The following DHX57 variants were observed in gnomAD, a reference collection of about 807,000 sequenced individuals.
DHX57 encodes the protein putative ATP-dependent RNA helicase DHX57.
DHX57 carries 105 observed loss-of-function variants against 156.2 expected under a neutral mutation model. That is an observed-to-expected ratio of 0.67 (90% CI 0.57 to 0.79). The LOEUF is 0.79. Among genes scored for constraint, DHX57 ranks in the 30% least tolerant of loss-of-function variants. The probability of loss-of-function intolerance (pLI) is 0.00; values close to 1 mark genes in which losing one functional copy is unlikely to be tolerated. For synonymous variants in DHX57, 704 were observed against 595.6 expected (o/e 1.18, Z -2.65); for missense variants, 1,847 against 1,661.9 (o/e 1.11, Z -1.94).
rs369249802 is a variant in DHX57 at position 38,815,582 on chromosome 2, G to A, written c.3545C>T (p.Ala1182Val). The change falls in exon 20 of 24, where the codon GCA (alanine) becomes GTA (valine). Residue 1182 changes from alanine (A) to valine (V), a missense_variant. By Grantham distance (64) the Ala-to-Val change is moderately conservative. Coordinates refer to ENST00000457308, the MANE Select transcript of DHX57 (RefSeq NM_198963.3). ...DIGFAREGLRAREIEKRAQGG... is the reference protein window; with the variant it reads ...DIGFAREGLRVREIEKRAQGG... Reference sequence around the variant, plus strand: ...TTGGGCCCTTTTCTCAATTTCCCTTGCTCTGAGCCCTTCCCTTGCAAACCC... The same window carrying A: ...TTGGGCCCTTTTCTCAATTTCCCTTACTCTGAGCCCTTCCCTTGCAAACCC... The A allele has an allele frequency of 1.9e-6, 3 of 1,613,842 alleles. No homozygotes were observed. Among genetic ancestry groups the A allele is most frequent in the Non-Finnish European group, 2.5e-6 (3 of 1,180,010 alleles).
chr2:38,868,161 C>A, intron 2 of DHX57, 21 bp downstream of exon 2: 1 of 1,610,272 alleles, frequency 6.2e-7, no homozygotes, highest in Non-Finnish European at 8.5e-7. Flanking sequence ...CATATTTAAA[C>A]ATTCAAAGAG....
intron 5 of DHX57, 64 bp from the exon 6 acceptor site, chr2:38,858,900 G>A (rs1039225464): frequency 1.3e-5 from 19 of 1,514,546 alleles, no homozygotes; most frequent in Non-Finnish European, 1.5e-5. Context: ...GGGGAAAGTC[G>A]CTGTCTAACA....
At chr2:38,864,330 A>G (rs1335922642) in intron 2 of DHX57, among the ~76,000 whole-genome samples, 1 of 152,002 alleles carries the variant, frequency 6.6e-6, no homozygotes, top group Non-Finnish European at 1.5e-5. Context: ...GGATTGCTTA[A>G]GCCCCAGGAG....
intron 13 of DHX57, among the ~76,000 whole-genome samples, 175 bp from the exon 14 acceptor site, chr2:38,828,611 T>G (rs1671227213): frequency 6.6e-6 from 1 of 152,148 alleles, no homozygotes; most frequent in South Asian, 2.1e-4. Flanking sequence ...TGGTCTCAGC[T>G]ACTCGGCAGG....
intron 14 of DHX57, among the ~76,000 whole-genome samples, chr2:38,827,112 C>T (rs540839240): frequency 4.4e-4 from 66 of 151,146 alleles, no homozygotes; most frequent in African/African-American, 1.4e-3. Flanking sequence ...GCTTGGGCGA[C>T]AATAGTGAGA....
chr2:38,827,472 C>T (rs1286142663), intron 14 of DHX57, among the ~76,000 whole-genome samples: 4 of 101,762 alleles, frequency 3.9e-5, no homozygotes, highest in East Asian at 6.1e-4. Context: ...GGCCACAGAG[C>T]GAGACTCTGT....
At chr2:38,799,830 C>T (rs575206389) in intron 23 of DHX57, among the ~76,000 whole-genome samples, 2 of 149,630 alleles carry the variant, frequency 1.3e-5, no homozygotes, top group East Asian at 2.0e-4. Flanking sequence ...CCGAGGTGGG[C>T]GGATCACAAG....
intron 9 of DHX57, among the ~76,000 whole-genome samples, chr2:38,851,328 A>C (rs972678091): frequency 3.9e-5 from 6 of 152,172 alleles, no homozygotes; most frequent in African/African-American, 1.2e-4. Context: ...TGATCATGTC[A>C]TCTCTGTGAT....
chr2:38,834,303 C>T (rs1671537393), intron 13 of DHX57, among the ~76,000 whole-genome samples: 1 of 143,956 alleles, frequency 6.9e-6, no homozygotes, highest in Admixed American at 7.3e-5. Context: ...TGCACTCCAG[C>T]CTGGTCAACA....
At chr2:38,852,494 T>C (rs1451027213) in intron 9 of DHX57, among the ~76,000 whole-genome samples, 1 of 152,008 alleles carries the variant, frequency 6.6e-6, no homozygotes, top group Non-Finnish European at 1.5e-5. Context: ...CTTTCTCTTT[T>C]TTCCCACTAG....
intron 1 of DHX57, among the ~76,000 whole-genome samples, chr2:38,870,116 A>G (rs1665283077): frequency 6.6e-6 from 1 of 152,164 alleles, no homozygotes; most frequent in Non-Finnish European, 1.5e-5. Flanking sequence ...CTAGCAAGAG[A>G]AAGAACTGAT....
At chr2:38,851,218 CAGA>C (rs1010448358) in intron 9 of DHX57, among the ~76,000 whole-genome samples, 1 of 152,118 alleles carries the variant, frequency 6.6e-6, no homozygotes, top group African/African-American at 2.4e-5. Flanking sequence ...AATATACTCC[CAGA>C]AGAAAAGAGA....
At chr2:38,808,402 T>G (rs1236984735) in intron 21 of DHX57, among the ~76,000 whole-genome samples, 1 of 152,170 alleles carries the variant, frequency 6.6e-6, no homozygotes, top group East Asian at 1.9e-4. Flanking sequence ...AATAGAATCT[T>G]TTTTTATAGC....
intron 7 of DHX57, among the ~76,000 whole-genome samples, chr2:38,855,970 C>A (rs1672875536): frequency 6.6e-6 from 1 of 152,066 alleles, no homozygotes; most frequent in Non-Finnish European, 1.5e-5. Flanking sequence ...TATGGTGGTG[C>A]ACCACAGTGG....
intron 10 of DHX57, among the ~76,000 whole-genome samples, chr2:38,847,965 C>T (rs1672377595): frequency 6.6e-6 from 1 of 151,938 alleles, no homozygotes; most frequent in African/African-American, 2.4e-5. Flanking sequence ...CACCTGTAGT[C>T]CCAGCTACTC....
chr2:38,798,271 A>T lies in DHX57; in HGVS notation c.*28T>A, dbSNP rs1669484721. 1.3e-6 allele frequency: 2 copies of T among 1,595,226 alleles called. No individual in the cohort carries two copies. The highest frequency in any genetic ancestry group is 1.7e-6 in the Non-Finnish European group (2 of 1,172,368). On this transcript the variant is annotated 3_prime_UTR_variant, in exon 24 of 24. Transcript: ENST00000457308. ...TTCCCAGGTGAGCTAGAAGCAGGTG[A>T]GTAGCAAGCACTCTCTAAGACTGCT...
At chr2:38,875,180 G>C (rs1166407906) in intron 1 of DHX57, among the ~76,000 whole-genome samples, 1 of 152,204 alleles carries the variant, frequency 6.6e-6, no homozygotes, top group Non-Finnish European at 1.5e-5. Context: ...GAATTAGGTT[G>C]TATAATCCAC....
chr2:38,837,997 G>A, intron 12 of DHX57, 50 bp from the exon 13 acceptor site: 1 of 1,160,206 alleles, frequency 8.6e-7, no homozygotes, highest in Non-Finnish European at 1.3e-6. Context: ...CCTTGTTGAT[G>A]TATTTTATTG....
At chr2:38,808,103 C>T (rs1276974814) in intron 21 of DHX57, among the ~76,000 whole-genome samples, 2 of 151,222 alleles carry the variant, frequency 1.3e-5, no homozygotes, top group African/African-American at 2.4e-5. Flanking sequence ...TAAAGGTGCA[C>T]GCCACCACAC....
Sources: gnomAD v4.1 joint callset for allele counts (sites outside exome capture counted in the v4.1 genomes callset) on GRCh38, gnomAD v4.1.1 for gene constraint, MANE v1.5 for transcripts, NCBI Gene and HGNC (gene_info 2026-07-23, HGNC 2026-07-21) for gene names.